Variants in TENM2 observed in about 807,000 individuals in gnomAD.
The protein encoded by TENM2 is teneurin transmembrane protein 2.
In TENM2, 52 loss-of-function variants were observed where a neutral mutation model predicts 245.2. The ratio of observed to expected loss-of-function variants is 0.21; its 90% CI spans 0.17 to 0.27. TENM2 has a LOEUF of 0.27. Among genes scored for constraint, TENM2 ranks in the 10% least tolerant of loss-of-function variants. TENM2 has a pLI of 1.00. For synonymous variants in TENM2, 1,363 were observed against 1,438.9 expected (o/e 0.95, Z 1.19); for missense variants, 3,046 against 3,666.8 (o/e 0.83, Z 4.37).
intron 2 of TENM2, among the ~76,000 whole-genome samples, chr5:167,791,729 G>A (rs141116820): frequency 6.4e-4 from 97 of 151,842 alleles, no homozygotes; most frequent in Admixed American, 9.9e-4. Flanking sequence ...TTGTATGACC[G>A]ACATAGTGCT....
intron 3 of TENM2, among the ~76,000 whole-genome samples, chr5:167,940,261 T>C (rs971394694): frequency 6.7e-6 from 1 of 149,116 alleles, no homozygotes; most frequent in African/African-American, 2.6e-5. Flanking sequence ...TATTTGTCAA[T>C]GTGTAATTAA....
At chr5:167,562,119 T>C (rs1019007758) in intron 2 of TENM2, among the ~76,000 whole-genome samples, 2 of 152,136 alleles carry the variant, frequency 1.3e-5, no homozygotes, top group East Asian at 3.9e-4. Flanking sequence ...TAGTGAGTGC[T>C]CCCAGTCATT....
At chr5:167,277,008 C>A in the TENM2 span, among the ~76,000 whole-genome samples, 1 of 151,954 alleles carries the variant, frequency 6.6e-6, no homozygotes, top group African/African-American at 2.4e-5. Context: ...TCCATTTTTT[C>A]TTTGTCAGCC....
rs76065899 is a variant in TENM2, at chr5:167,523,596, C to G, written c.502+148123C>G. ...CGCTCATTGAAAAAAAGAGTCTACT[C>G]ATGACAAATAAAACTATTCTATGCG... On this transcript the variant is annotated intron_variant, in intron 2 of 28. Coordinates refer to ENST00000518659, the Ensembl canonical transcript of TENM2. Among the ~76,000 whole-genome samples the G allele has an allele frequency of 3.2e-3, 486 of 152,204 alleles. 25 individuals carry two copies. The South Asian group carries it at 0.081, about 25-fold the overall frequency.
Position 167,864,603 on chromosome 5 carries a change from A to T in TENM2, c.503-11383A>T, listed in dbSNP as rs540188830. Among the ~76,000 whole-genome samples, 75 of 152,328 alleles carry T rather than the reference A, an allele frequency of 4.9e-4. 1 individual carries two copies. The highest frequency in any genetic ancestry group is 1.5e-3 in the African/African-American group (63 of 41,564). ...TTCAATCTGTTTCAATGCCAATCAC[A>T]TTGTTACATCAGCACTTGGTACTTT... On this transcript the variant is annotated intron_variant, in intron 2 of 28. Coordinates refer to ENST00000518659, the Ensembl canonical transcript of TENM2.
chr5:167,265,736 G>A, the TENM2 span, among the ~76,000 whole-genome samples: 1 of 152,076 alleles, frequency 6.6e-6, no homozygotes, highest in Non-Finnish European at 1.5e-5. Flanking sequence ...GAGCTTATCT[G>A]ATTATGTCCA....
chr5:167,562,301 CAA>C (rs1773643864), intron 2 of TENM2, among the ~76,000 whole-genome samples: 2 of 151,516 alleles, frequency 1.3e-5, no homozygotes, highest in African/African-American at 2.4e-5. Context: ...TCTAGTTGGG[CAA>C]AGAGGCATTT....
intron 12 of TENM2, among the ~76,000 whole-genome samples, chr5:168,128,684 G>A (rs1398665163): frequency 4.6e-5 from 7 of 152,368 alleles, no homozygotes; most frequent in South Asian, 2.1e-4. Context: ...GCCAAACTAC[G>A]GCCAGAGGGC....
chr5:167,365,120 G>T (rs536665248), intron 1 of TENM2, among the ~76,000 whole-genome samples: 1 of 152,154 alleles, frequency 6.6e-6, no homozygotes, highest in South Asian at 2.1e-4. Flanking sequence ...CACCAAGCAT[G>T]TAATTTAGAA....
rs866229881 is a variant in TENM2 at position 167,399,580 on chromosome 5, A to C, written c.502+24107A>C. Among the ~76,000 whole-genome samples, 3 of 152,200 alleles carry C rather than the reference A, an allele frequency of 2.0e-5. No individual in the cohort carries two copies. In the South Asian group the frequency reaches 6.2e-4, roughly 32 times the overall value. On this transcript the variant is annotated intron_variant, in intron 2 of 28. Coordinates refer to ENST00000518659, the Ensembl canonical transcript of TENM2. The stretch of plus-strand genomic sequence containing the variant: ...CAGGAGGTGGCATAGCACAATAATT[A>C]AGCACATTTCTTTGGAATGAGACTG...
chr5:167,569,472 A>C (rs1774137725), intron 2 of TENM2, among the ~76,000 whole-genome samples: 1 of 152,178 alleles, frequency 6.6e-6, no homozygotes. Flanking sequence ...ATGTGGCATA[A>C]GCTAAGTCTG....
chr5:168,085,222 G>A (rs968792318), intron 7 of TENM2: 2 of 152,154 alleles, frequency 1.3e-5, no homozygotes, highest in African/African-American at 4.8e-5. Context: ...GCAAAAATAG[G>A]CTCTTATTTT....
At position 167,848,451 on chromosome 5, in the gene TENM2, A is replaced by T. The variant is rs114063875; in HGVS notation, c.503-27535A>T. ...CTGCTTTGGCAAATATATATATATA[A>T]AACATATTATATATTTTGTATGTAT... On this transcript the variant is annotated intron_variant, in intron 2 of 28. Transcript: ENST00000518659. 8.4e-3 allele frequency among the ~76,000 whole-genome samples: 1,283 copies of T among 152,226 alleles called. 15 individuals carry two copies. Among genetic ancestry groups the T allele is most frequent in the African/African-American group, 0.029 (1,193 of 41,550 alleles).
At chr5:167,296,434 A>C (rs1754952818) in intron 1 of TENM2, 3 of 152,248 alleles carry the variant, frequency 2.0e-5, no homozygotes, top group Non-Finnish European at 4.4e-5. Context: ...ACTTTGAACC[A>C]AAATGGTGAA....
the TENM2 span, among the ~76,000 whole-genome samples, chr5:167,190,106 T>C: frequency 1.3e-5 from 2 of 152,052 alleles, no homozygotes; most frequent in Non-Finnish European, 2.9e-5. Context: ...CTTTGTCTAA[T>C]TGAACTGGAA....
At chr5:167,113,799 C>T in the TENM2 span, among the ~76,000 whole-genome samples, 8 of 152,026 alleles carry the variant, frequency 5.3e-5, no homozygotes, top group African/African-American at 1.7e-4. Context: ...GGTATTTTCC[C>T]TCTTCACATC....
At chr5:167,793,250 C>A (rs1427571987) in intron 2 of TENM2, among the ~76,000 whole-genome samples, 1 of 152,074 alleles carries the variant, frequency 6.6e-6, no homozygotes, top group Non-Finnish European at 1.5e-5. Flanking sequence ...TGATCTTGAG[C>A]AAATGACTTA....
At chr5:167,867,957 G>GTA (rs1033322614) in intron 2 of TENM2, among the ~76,000 whole-genome samples, 2 of 152,158 alleles carry the variant, frequency 1.3e-5, no homozygotes, top group Non-Finnish European at 2.9e-5. Context: ...GTTTTCTTGG[G>GTA]TAGGGGAAGA....
At chr5:167,902,593 A>G (rs1451232497) in intron 3 of TENM2, among the ~76,000 whole-genome samples, 1 of 152,228 alleles carries the variant, frequency 6.6e-6, no homozygotes, top group East Asian at 1.9e-4. Context: ...AGGAAAACTG[A>G]TAAGACGGTT....
Sources: allele counts gnomAD v4.1 joint callset (sites outside exome capture counted in the v4.1 genomes callset), GRCh38; gene constraint gnomAD v4.1.1; transcripts MANE v1.5; gene names NCBI Gene and HGNC (gene_info 2026-07-23, HGNC 2026-07-21).